The following SLC6A17 variants were observed in gnomAD, a reference collection of about 807,000 sequenced individuals.
SLC6A17 encodes the protein sodium-dependent neutral amino acid transporter SLC6A17.
Under a neutral mutation model 64.5 loss-of-function variants are expected in SLC6A17, and 21 were observed. The ratio of observed to expected loss-of-function variants is 0.33; its 90% confidence interval spans 0.23 to 0.47. SLC6A17 has a LOEUF of 0.47. Among genes scored for constraint, SLC6A17 ranks in the 20% least tolerant of loss-of-function variants. SLC6A17 has a pLI of 1.00. For missense variants in SLC6A17, 682 were observed against 963.2 expected, an observed-to-expected ratio of 0.71 and a Z score of 3.86; for synonymous variants, 372 against 399.5, an observed-to-expected ratio of 0.93 and a Z score of 0.82.
rs746329258 is a variant in SLC6A17 at position 110,198,271 on chromosome 1, G to A, written c.2011G>A (p.Asp671Asn). 7 of 1,614,068 alleles carry A rather than the reference G, an allele frequency of 4.3e-6. No individual in the cohort carries two copies. The highest frequency in any genetic ancestry group is 2.7e-5 in the African/African-American group (2 of 74,920). ...GGACATCTCCAACCTGGAGGAGAACGATGAGACCCGCTTCATCCTCAGCAA... is the reference window on the plus strand; with the variant it reads ...GGACATCTCCAACCTGGAGGAGAACAATGAGACCCGCTTCATCCTCAGCAA... The part of the protein sequence containing the change: ...MKDISNLEEN[D>N]ETRFILSKVP... The change falls in exon 12 of 12, where the codon GAT becomes AAT. Residue 671 changes from aspartate to asparagine, a missense_variant. Physicochemically the swap from Asp to Asn is conservative, Grantham distance 23. This residue lies in a region of SLC6A17 where 264 missense variants were observed against 339.5 expected (regional missense o/e 0.78). Coordinates refer to ENST00000331565, the MANE Select transcript of SLC6A17 (RefSeq NM_001010898.4).
At chr1:110,163,018 TAAAAAAA>T (rs67702050) in intron 1 of SLC6A17, among the ~76,000 whole-genome samples, 2 of 102,204 alleles carry the variant, frequency 2.0e-5, no homozygotes, top group Non-Finnish European at 3.8e-5. Context: ...CCCATGTTGG[TAAAAAAA>T]AAAAAAAAAA....
Position 110,192,374 on chromosome 1 carries a change from A to C in SLC6A17, c.1107-132A>C. On this transcript the variant is annotated intron_variant, in intron 7 of 11. Transcript: ENST00000331565. This position sits in a 1 kb window ranked among gnomAD's most constrained non-coding sequence, Gnocchi z 4.3. ...CTCTCTGTCCCCAGCTCCGGGCCAC[A>C]GGGACAAGCTCAGAGATGCCTCTGT... 1 of 1,441,740 alleles carries C rather than the reference A, an allele frequency of 6.9e-7. No individual in the cohort carries two copies. Among genetic ancestry groups the C allele is most frequent in the South Asian group, 1.4e-5 (1 of 72,938 alleles). 89.3% of individuals were successfully genotyped at this position (1,441,740 alleles called of 1,614,324 possible).
chr1:110,195,515 G>GC, intron 9 of SLC6A17, 71 bp from the exon 10 acceptor site: 4 of 1,569,054 alleles, frequency 2.5e-6, no homozygotes, highest in Non-Finnish European at 2.6e-6. Context: ...GGGCCTGGGT[G>GC]CCCCCGAGAC....
At chr1:110,172,633 G>T in intron 3 of SLC6A17, 1 of 157,832 alleles carries the variant, frequency 6.3e-6, no homozygotes, top group Non-Finnish European at 1.4e-5. Context: ...CAAGCAGGGA[G>T]CTCAGGAAAA....
At chr1:110,173,892 C>CGAT in intron 3 of SLC6A17, 81 bp from the exon 4 acceptor site, 3 of 1,552,172 alleles carry the variant, frequency 1.9e-6, no homozygotes, top group African/African-American at 2.8e-5. Flanking sequence ...GCGCTGCCGA[C>CGAT]GTGCTGGGCC....
chr1:110,163,453 C>T (rs534177966), intron 1 of SLC6A17, among the ~76,000 whole-genome samples: 2 of 152,288 alleles, frequency 1.3e-5, no homozygotes, highest in African/African-American at 4.8e-5. Context: ...TGGCTGCTAC[C>T]ATTTGGGTCC....
intron 6 of SLC6A17, among the ~76,000 whole-genome samples, chr1:110,189,737 C>T (rs1656777939): frequency 6.6e-6 from 1 of 152,188 alleles, no homozygotes; most frequent in African/African-American, 2.4e-5. Flanking sequence ...CTTTTACACA[C>T]CATCCTCTGT....
intron 6 of SLC6A17, among the ~76,000 whole-genome samples, chr1:110,178,913 C>T (rs1656441914): frequency 6.6e-6 from 1 of 152,188 alleles, no homozygotes; most frequent in Non-Finnish European, 1.5e-5. Context: ...AACCACTTTC[C>T]TGAATTTGGG....
At chr1:110,175,501 A>T (rs1246726437) in intron 5 of SLC6A17, among the ~76,000 whole-genome samples, 1 of 152,194 alleles carries the variant, frequency 6.6e-6, no homozygotes, top group Admixed American at 6.5e-5. Flanking sequence ...TCCCCTTTAA[A>T]TAAGGGCCCT....
intron 6 of SLC6A17, among the ~76,000 whole-genome samples, chr1:110,181,557 G>T (rs1481731255): frequency 6.6e-6 from 1 of 152,252 alleles, no homozygotes; most frequent in Non-Finnish European, 1.5e-5. Context: ...GGAGACAGAT[G>T]TTGTCAGATA....
At chr1:110,163,410 C>T (rs1655969352) in intron 1 of SLC6A17, among the ~76,000 whole-genome samples, 1 of 152,170 alleles carries the variant, frequency 6.6e-6, no homozygotes, top group Admixed American at 6.5e-5. Context: ...TTTTTAAATG[C>T]ATAAAGGTAA....
chr1:110,168,035 A>G (rs778238007), intron 2 of SLC6A17: 2 of 152,246 alleles, frequency 1.3e-5, no homozygotes, highest in Non-Finnish European at 2.9e-5. Flanking sequence ...CACTACCACC[A>G]CTTCCAGCCC....
intron 2 of SLC6A17, among the ~76,000 whole-genome samples, chr1:110,171,755 G>A (rs1434735351): frequency 6.6e-6 from 1 of 152,106 alleles, no homozygotes; most frequent in African/African-American, 2.4e-5. Context: ...CTTGACATGT[G>A]GATTCTGGAG....
intron 1 of SLC6A17, among the ~76,000 whole-genome samples, chr1:110,160,530 A>C (rs920603708): frequency 3.5e-4 from 54 of 152,356 alleles, no homozygotes; most frequent in South Asian, 2.1e-3. Context: ...CCTCAAGGAG[A>C]TTGCTGTTCA....
At chr1:110,162,481 G>A (rs901283337) in intron 1 of SLC6A17, among the ~76,000 whole-genome samples, 12 of 152,206 alleles carry the variant, frequency 7.9e-5, no homozygotes, top group Non-Finnish European at 1.3e-4. Flanking sequence ...CAGTTTGCAC[G>A]GTAGGTTGGT....
chr1:110,177,574 TG>T (rs1160023968), intron 6 of SLC6A17: 1 of 152,294 alleles, frequency 6.6e-6, no homozygotes, highest in Non-Finnish European at 1.5e-5. Context: ...CCCCAAGCCC[TG>T]TACATCAGAA....
chr1:110,166,965 C>T lies in SLC6A17; in HGVS notation c.36C>T (p.His12=), dbSNP rs1036346522. ...ACAGCAAAGTGACCCAGCGTGAGCACAGCAGTGAGCATGTCACTGAGTCCG... is the reference window on the plus strand; with the variant it reads ...ACAGCAAAGTGACCCAGCGTGAGCATAGCAGTGAGCATGTCACTGAGTCCG... ...PKNSKVTQRE[H]SSEHVTESVA... is the part of the protein sequence containing the mutation. Residue 12 remains histidine (H), a synonymous_variant, in exon 2 of 12, where the codon CAC becomes CAT. Coordinates refer to ENST00000331565, the MANE Select transcript of SLC6A17 (RefSeq NM_001010898.4). The T allele has an allele frequency of 6.2e-7, 1 of 1,613,762 alleles. No homozygotes were observed. Among genetic ancestry groups the T allele is most frequent in the African/African-American group, 1.3e-5 (1 of 74,980 alleles).
In SLC6A17 at chr1:110,150,892, C is replaced by T. The variant is rs1269272833; in HGVS notation, c.-88+9C>T. 6.6e-6 allele frequency: 1 copy of T among 152,046 alleles called. No individual in the cohort carries two copies. The highest frequency in any genetic ancestry group is 1.5e-5 in the Non-Finnish European group (1 of 68,026). 9.4% of individuals were successfully genotyped at this position (152,046 alleles called of 1,614,324 possible). A position where few individuals can be genotyped will look rare whatever the true frequency, so the allele number is the denominator to read the frequency against. Reference sequence around the variant, plus strand: ...CTACCCACGCGTGACAGGTGAGTCGCTGGCCGCGCCCCGCCTGGCTTTACC... The same window carrying T: ...CTACCCACGCGTGACAGGTGAGTCGTTGGCCGCGCCCCGCCTGGCTTTACC... On this transcript the variant is annotated intron_variant, in intron 1 of 11. Coordinates refer to ENST00000331565, the MANE Select transcript of SLC6A17 (RefSeq NM_001010898.4).
rs544904994 is a variant in SLC6A17 at position 110,188,417 on chromosome 1, T to C, written c.865-3555T>C. On this transcript the variant is annotated intron_variant, in intron 6 of 11. Coordinates refer to ENST00000331565, the MANE Select transcript of SLC6A17 (RefSeq NM_001010898.4). ...CTCTCCCATGCTCCGCTGTGGCTAT[T>C]TTAAACCCTTCCAATCCTTCACACC... 2.6e-4 allele frequency among the ~76,000 whole-genome samples: 40 copies of C among 152,328 alleles called. No individual in the cohort carries two copies. The South Asian group carries it at 7.3e-3, about 28-fold the overall frequency.
Sources: allele counts gnomAD v4.1 joint callset (sites outside exome capture counted in the v4.1 genomes callset), GRCh38; gene constraint gnomAD v4.1.1; regional missense constraint gnomAD v4.1.1; non-coding constraint Gnocchi (gnomAD v3.1); transcripts MANE v1.5; gene names NCBI Gene and HGNC (gene_info 2026-07-23, HGNC 2026-07-21).